SLC2A4RG: variants seen among roughly 807,000 people sequenced by gnomAD.
SLC2A4RG encodes GLUT4 enhancer factor.
In SLC2A4RG, 23 loss-of-function variants were observed where a neutral mutation model predicts 35.5. The ratio of observed to expected loss-of-function variants is 0.65; its 90% CI spans 0.47 to 0.92. The LOEUF (loss-of-function observed/expected upper bound fraction) is 0.92, where lower values mean the gene tolerates loss of function less well. Among genes scored for constraint, SLC2A4RG ranks in the 40% least tolerant of loss-of-function variants. The pLI, the probability that SLC2A4RG is intolerant of heterozygous loss-of-function variation, is 0.00. For synonymous variants in SLC2A4RG, 306 were observed against 243.7 expected (o/e 1.26, Z -2.38); for missense variants, 539 against 525.0 (o/e 1.03, Z -0.26).
Position 63,740,361 on chromosome 20 carries a change from C to G in SLC2A4RG, c.127-16C>G. On this transcript the variant is annotated splice_polypyrimidine_tract_variant and intron_variant, in intron 1 of 7. Transcript: ENST00000266077. ...GGCCACCGCCTCCGCTGAGTCTGCC[C>G]CCTCCCCATCCGCAGGGCTCTTCCG... 1 of 1,225,904 alleles carries G rather than the reference C, an allele frequency of 8.2e-7. No individual in the cohort carries two copies. The highest frequency in any genetic ancestry group is 1.0e-6 in the Non-Finnish European group (1 of 983,252). The allele number at this position is 1,225,904 out of a possible 1,614,324, so 75.9% of individuals were successfully genotyped here.
Position 63,742,013 on chromosome 20 carries a change from C to A in SLC2A4RG, c.536C>A (p.Ala179Glu), listed in dbSNP as rs1472217718. 1.2e-6 allele frequency: 2 copies of A among 1,612,698 alleles called. No homozygotes were observed. Among genetic ancestry groups the A allele is most frequent in the Non-Finnish European group, 1.7e-6 (2 of 1,179,622 alleles). The change falls in exon 4 of 8, where the codon GCA becomes GAA. Residue 179 changes from alanine (A) to glutamate (E), a missense_variant. Ala to Glu is a moderately radical substitution (Grantham distance 107, BLOSUM62 -1). Transcript: ENST00000266077. ...STPSPPLPPEAAHFLFGEPTL... is the reference protein window; with the variant it reads ...STPSPPLPPEEAHFLFGEPTL... ...CCGTCACCCCCACTGCCCCCCGAGG[C>A]AGCCCACTTTCTGTTTGGGGAGCCC...
chr20:63,740,353 A>G, intron 1 of SLC2A4RG, 24 bp from the exon 2 acceptor site: 12 of 1,222,852 alleles, frequency 9.8e-6, no homozygotes, highest in Non-Finnish European at 1.2e-5. Context: ...GCCTCCGCTG[A>G]GTCTGCCCCC....
intron 3 of SLC2A4RG, 84 bp from the exon 4 acceptor site, chr20:63,741,785 G>A: frequency 6.8e-7 from 1 of 1,465,312 alleles, no homozygotes; most frequent in Non-Finnish European, 9.0e-7. Context: ...AGTCTCACCG[G>A]ACTTGGTGAA....
At position 63,741,891 on chromosome 20, in the gene SLC2A4RG, G is replaced by A. The variant is rs2092043591; in HGVS notation, c.414G>A (p.Lys138=). The change falls in exon 4 of 8, where the codon AAG becomes AAA. Residue 138 remains lysine (K), a synonymous_variant. Transcript: ENST00000266077. The part of the protein sequence containing the change: ...FSPEPGLEPW[K]EALVRPPGSY... ...CAGAGCCTGGCCTGGAGCCCTGGAAGGAGGCCCTGGTGCGGCCCCCAGGCA... is the reference window on the plus strand; with the variant it reads ...CAGAGCCTGGCCTGGAGCCCTGGAAAGAGGCCCTGGTGCGGCCCCCAGGCA... 2 of 1,606,112 alleles carry A rather than the reference G, an allele frequency of 1.2e-6. No individual in the cohort carries two copies. Among genetic ancestry groups the A allele is most frequent in the South Asian group, 1.1e-5 (1 of 90,056 alleles).
At position 63,743,663 on chromosome 20, in the gene SLC2A4RG, C is replaced by A. The variant is rs1037019570; in HGVS notation, c.*673C>A. ...GAAGGATCATCTGAGACGCAGGAGG[C>A]ATCTGCTGGAGCAGCAATTTCCCAA... On this transcript the variant is annotated 3_prime_UTR_variant, in exon 8 of 8. Coordinates refer to ENST00000266077, the MANE Select transcript of SLC2A4RG (RefSeq NM_020062.4). 11 of 152,382 alleles carry A rather than the reference C, an allele frequency of 7.2e-5. No homozygotes were observed. Among genetic ancestry groups the A allele is most frequent in the African/African-American group, 2.7e-4 (11 of 41,454 alleles). 9.4% of individuals were successfully genotyped at this position (152,382 alleles called of 1,614,324 possible).
In SLC2A4RG at chr20:63,742,625, G is replaced by A; in HGVS notation, c.960+10G>A. On this transcript the variant is annotated intron_variant, in intron 6 of 7. Coordinates refer to ENST00000266077, the MANE Select transcript of SLC2A4RG (RefSeq NM_020062.4). ...TGACCGTGTCTACCAGGTGGGTGAG[G>A]CCACGGGTGGCAGCTGGGGCGGGTC... 6.3e-7 allele frequency: 1 copy of A among 1,576,452 alleles called. No individual in the cohort carries two copies. Among genetic ancestry groups the A allele is most frequent in the African/African-American group, 1.3e-5 (1 of 74,472 alleles).
At chr20:63,742,678 C>T in intron 6 of SLC2A4RG, 21 bp from the exon 7 acceptor site, 1 of 1,596,562 alleles carries the variant, frequency 6.3e-7, no homozygotes, top group Non-Finnish European at 8.5e-7. Flanking sequence ...GGAGTGAAGC[C>T]CTGGCTGTGT....
At position 63,742,002 on chromosome 20, in the gene SLC2A4RG, G is replaced by GC. The variant is rs748002768; in HGVS notation, c.531dup (p.Glu178ArgfsTer56). ...CTCCGTCCACCCCGTCACCCCCACT[G>GC]CCCCCCGAGGCAGCCCACTTTCTGT... is the stretch of plus-strand genomic sequence containing the variant. On this transcript the variant is annotated frameshift_variant, in exon 4 of 8. Coordinates refer to ENST00000266077, the MANE Select transcript of SLC2A4RG (RefSeq NM_020062.4). LOFTEE classifies it high-confidence loss of function. 5.0e-6 allele frequency: 8 copies of GC among 1,612,716 alleles called. No homozygotes were observed. Among genetic ancestry groups the GC allele is most frequent in the Admixed American group, 1.7e-5 (1 of 59,970 alleles).
rs1289182845 is a variant in SLC2A4RG at position 63,743,169 on chromosome 20, A to AG, written c.*183dup. On this transcript the variant is annotated 3_prime_UTR_variant, in exon 8 of 8. Transcript: ENST00000266077. ...AACCCTCCCCCCCGCCAGGTCGGGGAGGGGTCCCACCACTCAAAGTGCCTC... is the reference window on the plus strand; with the variant it reads ...AACCCTCCCCCCCGCCAGGTCGGGGAGGGGGTCCCACCACTCAAAGTGCCTC... The AG allele has an allele frequency of 3.5e-6, 2 of 566,566 alleles. No individual in the cohort carries two copies. Among genetic ancestry groups the AG allele is most frequent in the South Asian group, 2.2e-5 (1 of 45,624 alleles). 35.1% of individuals were successfully genotyped at this position (566,566 alleles called of 1,614,324 possible). A position where few individuals can be genotyped will look rare whatever the true frequency, so the allele number is the denominator to read the frequency against.
Position 63,743,178 on chromosome 20 carries a change from A to G in SLC2A4RG, c.*188A>G. The G allele has an allele frequency of 3.6e-6, 2 of 555,138 alleles. No homozygotes were observed. The highest frequency in any genetic ancestry group is 4.5e-5 in the South Asian group (2 of 44,086). The allele number at this position is 555,138 out of a possible 1,614,324, so 34.4% of individuals were successfully genotyped here. A position where few individuals can be genotyped will look rare whatever the true frequency, so the allele number is the denominator to read the frequency against. The stretch of plus-strand genomic sequence containing the variant: ...CCCCGCCAGGTCGGGGAGGGGTCCC[A>G]CCACTCAAAGTGCCTCTAAAGAAAC... On this transcript the variant is annotated 3_prime_UTR_variant, in exon 8 of 8. Transcript: ENST00000266077.
In SLC2A4RG at chr20:63,743,122, TG is replaced by T. The variant is rs1039009029; in HGVS notation, c.*139del. ...CTGCAGGGTCTGCTTTTACTTGGGG[TG>T]GGGGGGCGGGGCTGACCCTGAACCC... is the stretch of plus-strand genomic sequence containing the variant. On this transcript the variant is annotated 3_prime_UTR_variant, in exon 8 of 8. Coordinates refer to ENST00000266077, the MANE Select transcript of SLC2A4RG (RefSeq NM_020062.4). The T allele has an allele frequency of 1.5e-4, 5 of 32,282 alleles. No individual in the cohort carries two copies. Among genetic ancestry groups the T allele is most frequent in the East Asian group, 2.3e-3 (1 of 442 alleles). 2.0% of individuals were successfully genotyped at this position (32,282 alleles called of 1,614,324 possible).
In SLC2A4RG at chr20:63,739,809, G is replaced by A. The variant is rs1416940848; in HGVS notation, c.-104G>A. On this transcript the variant is annotated 5_prime_UTR_variant, in exon 1 of 8. Transcript: ENST00000266077. ...GGCGGCGCGGCGCGGGCGGCGGCCG[G>A]ATCCAGGGCGGGGGTCGGCGGCCCG... 14 of 970,772 alleles carry A rather than the reference G, an allele frequency of 1.4e-5. No homozygotes were observed. The highest frequency in any genetic ancestry group is 1.7e-5 in the Non-Finnish European group (14 of 821,240). 60.1% of individuals were successfully genotyped at this position (970,772 alleles called of 1,614,324 possible).
chr20:63,740,478 G>C lies in SLC2A4RG; in HGVS notation c.228G>C (p.Gly76=). ...TGGGGGCCCCCCGGACGTGGACGGG[G>C]GCGGCGGCGGGGCCCCGGACTCCGT... ...SDLGAPRTWT[G]AAAGPRTPSA... Residue 76 remains glycine (G), a synonymous_variant, in exon 2 of 8, where the codon GGG becomes GGC. Coordinates refer to ENST00000266077, the MANE Select transcript of SLC2A4RG (RefSeq NM_020062.4). 1 of 1,229,898 alleles carries C rather than the reference G, an allele frequency of 8.1e-7. No individual in the cohort carries two copies. The highest frequency in any genetic ancestry group is 3.2e-5 in the East Asian group (1 of 31,538). The allele number at this position is 1,229,898 out of a possible 1,614,324, so 76.2% of individuals were successfully genotyped here.
chr20:63,742,831 G>T, intron 7 of SLC2A4RG, 41 bp downstream of exon 7: 1 of 1,584,512 alleles, frequency 6.3e-7, no homozygotes, highest in South Asian at 1.1e-5. Flanking sequence ...ACCAGGTGGG[G>T]AGGGTCCTGG....
rs1362765199 is a variant in SLC2A4RG at position 63,743,980 on chromosome 20, T to C, written c.*990T>C. ...AATCAACAATCTTCAAACACTGCCCTTTTTTTGTGTGTTTTGTTTTTGTTG... is the reference window on the plus strand; with the variant it reads ...AATCAACAATCTTCAAACACTGCCCCTTTTTTGTGTGTTTTGTTTTTGTTG... On this transcript the variant is annotated 3_prime_UTR_variant, in exon 8 of 8. Coordinates refer to ENST00000266077, the MANE Select transcript of SLC2A4RG (RefSeq NM_020062.4). 1 of 152,418 alleles carries C rather than the reference T, an allele frequency of 6.6e-6. No homozygotes were observed. The highest frequency in any genetic ancestry group is 6.6e-5 in the Admixed American group (1 of 15,266). 9.4% of individuals were successfully genotyped at this position (152,418 alleles called of 1,614,324 possible). A position where few individuals can be genotyped will look rare whatever the true frequency, so the allele number is the denominator to read the frequency against.
rs1429235204 is a variant in SLC2A4RG at position 63,739,864 on chromosome 20, C to T, written c.-49C>T. 307 of 977,438 alleles carry T rather than the reference C, an allele frequency of 3.1e-4. 1 individual carries two copies. In the African/African-American group the frequency reaches 5.3e-3, roughly 17 times the overall value. The allele number at this position is 977,438 out of a possible 1,614,324, so 60.5% of individuals were successfully genotyped here. On this transcript the variant is annotated 5_prime_UTR_variant, in exon 1 of 8. Transcript: ENST00000266077. ...GCCCGGCCCGGCCCGGGGCCGCGTC[C>T]TGAGAGTCAGCCCTCGCCGCTGCAG...
chr20:63,742,717 C>T lies in SLC2A4RG; in HGVS notation c.979C>T (p.Arg327Cys), dbSNP rs368554596. The T allele has an allele frequency of 4.8e-5, 76 of 1,595,488 alleles. No individual in the cohort carries two copies. Among genetic ancestry groups the T allele is most frequent in the Middle Eastern group, 3.3e-4 (2 of 5,974 alleles). ...CCTGTAGGGCTGCCTGACGCCCGCC[C>T]GCCTGGAGCCGCAGCCCACGGAGGT... ...RVYQGCLTPA[R>C]LEPQPTEVGA... Residue 327 changes from arginine to cysteine, a missense_variant, in exon 7 of 8, where the codon CGC (arginine) becomes TGC (cysteine). By Grantham distance (180) the Arg-to-Cys change is radical (BLOSUM62 -3). Transcript: ENST00000266077.
At position 63,739,827 on chromosome 20, in the gene SLC2A4RG, GCGGCCCGGCCAGCC is replaced by G. The variant is rs2092032611; in HGVS notation, c.-75_-62del. 1.0e-6 allele frequency: 1 copy of G among 975,864 alleles called. No homozygotes were observed. The highest frequency in any genetic ancestry group is 1.2e-6 in the Non-Finnish European group (1 of 825,838). The allele number at this position is 975,864 out of a possible 1,614,324, so 60.5% of individuals were successfully genotyped here. A position where few individuals can be genotyped will look rare whatever the true frequency, so the allele number is the denominator to read the frequency against. On this transcript the variant is annotated 5_prime_UTR_variant, in exon 1 of 8. Transcript: ENST00000266077. Reference sequence around the variant, plus strand: ...GCGGCCGGATCCAGGGCGGGGGTCGGCGGCCCGGCCAGCCCGGCCCGGCCCGGGGCCGCGTCCTG... The same window carrying G: ...GCGGCCGGATCCAGGGCGGGGGTCGGCGGCCCGGCCCGGGGCCGCGTCCTG...
rs2092049003 is a variant in SLC2A4RG at position 63,742,582 on chromosome 20, C to G, written c.927C>G (p.Asn309Lys). Reference sequence around the variant, plus strand: ...CCCCTGTCCTGAGCACCGTTGCTAACCCCCAGTCCTGTCACAGTGACCGTG... The same window carrying G: ...CCCCTGTCCTGAGCACCGTTGCTAAGCCCCAGTCCTGTCACAGTGACCGTG... The part of the protein sequence containing the change: ...PPPPVLSTVA[N>K]PQSCHSDRVY... Residue 309 changes from asparagine to lysine, a missense_variant, in exon 6 of 8, where the codon AAC (asparagine) becomes AAG (lysine). By Grantham distance (94) the Asn-to-Lys change is moderately conservative. Coordinates refer to ENST00000266077, the MANE Select transcript of SLC2A4RG (RefSeq NM_020062.4). 1.9e-6 allele frequency: 3 copies of G among 1,577,962 alleles called. No homozygotes were observed. The highest frequency in any genetic ancestry group is 2.6e-6 in the Non-Finnish European group (3 of 1,158,446).
Sources: gnomAD v4.1 joint callset for allele counts on GRCh38, gnomAD v4.1.1 for gene constraint, MANE v1.5 for transcripts, NCBI Gene and HGNC (gene_info 2026-07-23, HGNC 2026-07-21) for gene names.